Variants in DZIP1 observed in about 807,000 individuals in gnomAD.
The protein encoded by DZIP1 is DAZ interacting zinc finger protein 1, also known as cilium assembly protein DZIP1.
Under a neutral mutation model 107.6 loss-of-function variants are expected in DZIP1, and 97 were observed. The ratio of observed to expected loss-of-function variants is 0.90; its 90% CI spans 0.77 to 1.07. The LOEUF (loss-of-function observed/expected upper bound fraction) is 1.07, where lower values mean the gene tolerates loss of function less well. DZIP1 is among the 50% of genes least tolerant of loss of function. The pLI is 0.00. For synonymous variants in DZIP1, 390 were observed against 386.4 expected (o/e 1.01, Z -0.11); for missense variants, 1,035 against 1,063.6 (o/e 0.97, Z 0.37).
chr13:95,618,716 G>T (rs1875453559), intron 10 of DZIP1, among the ~76,000 whole-genome samples: 1 of 152,032 alleles, frequency 6.6e-6, no homozygotes, highest in Non-Finnish European at 1.5e-5. Context: ...CTTCATCCTT[G>T]CAATTATACA....
In DZIP1 at chr13:95,578,673, C is replaced by T. The variant is rs1025684838; in HGVS notation, c.*3561G>A. 21 of 152,212 alleles carry T rather than the reference C, an allele frequency of 1.4e-4. No individual in the cohort carries two copies. Among genetic ancestry groups the T allele is most frequent in the African/African-American group, 4.8e-4 (20 of 41,446 alleles). 9.4% of individuals were successfully genotyped at this position (152,212 alleles called of 1,614,324 possible). A position where few individuals can be genotyped will look rare whatever the true frequency, so the allele number is the denominator to read the frequency against. On this transcript the variant is annotated 3_prime_UTR_variant, in exon 23 of 23. Coordinates refer to ENST00000376829, the MANE Select transcript of DZIP1 (RefSeq NM_198968.4). ...GATTGTTGAAAAAGCAAAGCCACACCATTCTCTTTGATGTATGCAGAGAGT... is the reference window on the plus strand; with the variant it reads ...GATTGTTGAAAAAGCAAAGCCACACTATTCTCTTTGATGTATGCAGAGAGT...
Position 95,615,482 on chromosome 13 carries a change from T to C in DZIP1, c.1174-3305A>G, listed in dbSNP as rs79262287. ...AAAACAGGATAGCCTGGGTGGCTTTTGGTTTGTTTATCTCCAAAATCCATG... is the reference window on the plus strand; with the variant it reads ...AAAACAGGATAGCCTGGGTGGCTTTCGGTTTGTTTATCTCCAAAATCCATG... On this transcript the variant is annotated intron_variant, in intron 10 of 22. Coordinates refer to ENST00000376829, the MANE Select transcript of DZIP1 (RefSeq NM_198968.4). Among the ~76,000 whole-genome samples, 85 of 152,304 alleles carry C rather than the reference T, an allele frequency of 5.6e-4. 3 individuals carry two copies. The East Asian group carries it at 0.016, about 29-fold the overall frequency.
intron 7 of DZIP1, among the ~76,000 whole-genome samples, chr13:95,626,677 C>T (rs1253349806): frequency 1.3e-5 from 2 of 152,198 alleles, no homozygotes; most frequent in Middle Eastern, 3.4e-3. Context: ...AGCAAAGTTG[C>T]ACAGTACAAG....
At chr13:95,621,665 AGTGTGTGTGTGTGTGTGTGT>A (rs3051402) in intron 9 of DZIP1, among the ~76,000 whole-genome samples, 405 of 123,418 alleles carry the variant, frequency 3.3e-3, no homozygotes, top group African/African-American at 0.011. Context: ...ACCAGTTAGC[AGTGTGTGTGTGTGTGTGTGT>A]GTGTGTGTGT....
At chr13:95,606,097 T>C (rs1433078052) in intron 13 of DZIP1, 38 bp from the exon 14 acceptor site, 2 of 1,607,476 alleles carry the variant, frequency 1.2e-6, no homozygotes, top group Non-Finnish European at 8.5e-7. Context: ...AGAGGTTCCA[T>C]AATTAAAGCA....
At position 95,589,191 on chromosome 13, in the gene DZIP1, T is replaced by C. The variant is rs34303958; in HGVS notation, c.1990A>G (p.Met664Val). ...GACTTTCTGGGAAAAGGATCTTCCA[T>C]GACATTTTTCTTAATTCTAAAAAAA... is the stretch of plus-strand genomic sequence containing the variant. ...TSVPKIKKNV[M>V]EDPFPRKSST... The change falls in exon 19 of 23, where the codon ATG (methionine) becomes GTG (valine). Residue 664 changes from methionine (M) to valine (V), a missense_variant. Physicochemically the swap from Met to Val is conservative, Grantham distance 21. Coordinates refer to ENST00000376829, the MANE Select transcript of DZIP1 (RefSeq NM_198968.4). 72 of 1,606,456 alleles carry C rather than the reference T, an allele frequency of 4.5e-5. No individual in the cohort carries two copies. The highest frequency in any genetic ancestry group is 2.2e-4 in the Admixed American group (13 of 58,826).
At chr13:95,632,864 TCACCC>T (rs2139391316) in intron 6 of DZIP1, among the ~76,000 whole-genome samples, 1 of 152,324 alleles carries the variant, frequency 6.6e-6, no homozygotes, top group Admixed American at 6.5e-5. Flanking sequence ...TCTGAGACTT[TCACCC>T]CACCTGGAGT....
At chr13:95,609,395 T>C in intron 13 of DZIP1, 62 bp downstream of exon 13, 1 of 1,112,962 alleles carries the variant, frequency 9.0e-7, no homozygotes, top group Admixed American at 3.2e-5. Flanking sequence ...AAGTAAAAGT[T>C]ATGTTTTGGT....
At chr13:95,589,619 C>T (rs757958657) in intron 18 of DZIP1, among the ~76,000 whole-genome samples, 184 bp downstream of exon 18, 1 of 152,240 alleles carries the variant, frequency 6.6e-6, no homozygotes. Flanking sequence ...AGAAGGCAGT[C>T]GTCTGCAAGG....
chr13:95,641,885 G>T lies in DZIP1; in HGVS notation c.37-30C>A. On this transcript the variant is annotated intron_variant, in intron 4 of 22. Coordinates refer to ENST00000376829, the MANE Select transcript of DZIP1 (RefSeq NM_198968.4). This position sits in a 1 kb window ranked among gnomAD's most constrained non-coding sequence, Gnocchi z 4.3. Reference sequence around the variant, plus strand: ...GGGGGGCACAAAGAGAGCGCGGCGGGAGGCGGGGATGGGGGGCGGGCAGGC... The same window carrying T: ...GGGGGGCACAAAGAGAGCGCGGCGGTAGGCGGGGATGGGGGGCGGGCAGGC... 6.9e-7 allele frequency: 1 copy of T among 1,441,296 alleles called. No individual in the cohort carries two copies. The highest frequency in any genetic ancestry group is 1.5e-5 in the African/African-American group (1 of 66,038). The allele number at this position is 1,441,296 out of a possible 1,614,324, so 89.3% of individuals were successfully genotyped here.
At chr13:95,582,409 A>G (rs1406288719) in intron 22 of DZIP1, 96 bp from the exon 23 acceptor site, 4 of 1,027,796 alleles carry the variant, frequency 3.9e-6, no homozygotes, top group African/African-American at 1.6e-5. Context: ...ATTGTCATTA[A>G]TCACTCAGTG....
rs545060560 is a variant in DZIP1 at position 95,588,891 on chromosome 13, A to G, written c.2027+263T>C. ...TGTACTTATTGAGAAATTACTCAAC[A>G]TTGTAGGGGGATGGACATAAGAATG... On this transcript the variant is annotated intron_variant, in intron 19 of 22. Coordinates refer to ENST00000376829, the MANE Select transcript of DZIP1 (RefSeq NM_198968.4). 1.4e-4 allele frequency among the ~76,000 whole-genome samples: 22 copies of G among 152,342 alleles called. No homozygotes were observed. The East Asian group carries it at 4.2e-3, about 29-fold the overall frequency.
intron 21 of DZIP1, 63 bp from the exon 22 acceptor site, chr13:95,584,973 T>G: frequency 7.0e-7 from 1 of 1,429,570 alleles, no homozygotes; most frequent in South Asian, 1.3e-5. Context: ...CCTCAATCAT[T>G]TTATTGGTTA....
rs1286537609 is a variant in DZIP1 at position 95,587,639 on chromosome 13, T to C, written c.2118A>G (p.Pro706=). The part of the protein sequence containing the change: ...ASPGPLPVPP[P]QNKGSFGKNT... ...TCTTCCCGAAGCTGCCCTTGTTTTG[T>C]GGTGGCGGCACAGGAAGTGGGCCTG... The change falls in exon 20 of 23, where the codon CCA becomes CCG. Residue 706 remains proline (P), a synonymous_variant. Transcript: ENST00000376829. The C allele has an allele frequency of 2.5e-6, 4 of 1,614,124 alleles. No homozygotes were observed. The highest frequency in any genetic ancestry group is 2.5e-6 in the Non-Finnish European group (3 of 1,180,010).
At chr13:95,636,799 A>G (rs558155684) in intron 5 of DZIP1, among the ~76,000 whole-genome samples, 1 of 152,322 alleles carries the variant, frequency 6.6e-6, no homozygotes, top group Admixed American at 6.5e-5. Flanking sequence ...TTAAAGACTG[A>G]ATACAAGAGT....
In DZIP1 at chr13:95,586,066, TG is replaced by T. The variant is rs2044151739; in HGVS notation, c.2288del (p.Pro763GlnfsTer20). On this transcript the variant is annotated frameshift_variant, in exon 21 of 23. Transcript: ENST00000376829. LOFTEE classifies it high-confidence loss of function. ...TCTCAGGGACATTAGTTCCACCGAC[TG>T]GTTTGTTCACATTTTTGCGATGTGG... Reference protein sequence around the residue: ...MFPHRKNVNKPVGGTNVPEMF... With the variant: ...MFPHRKNVNKXVGGTNVPEMF... The T allele has an allele frequency of 6.2e-7, 1 of 1,611,338 alleles. No homozygotes were observed. Among genetic ancestry groups the T allele is most frequent in the Admixed American group, 1.7e-5 (1 of 59,438 alleles).
rs1183950615 is a variant in DZIP1 at position 95,641,842 on chromosome 13, T to A, written c.50A>T (p.His17Leu). 2 of 1,413,964 alleles carry A rather than the reference T, an allele frequency of 1.4e-6. No individual in the cohort carries two copies. Among genetic ancestry groups the A allele is most frequent in the East Asian group, 3.0e-5 (1 of 33,784 alleles). The allele number at this position is 1,413,964 out of a possible 1,614,324, so 87.6% of individuals were successfully genotyped here. A position where few individuals can be genotyped will look rare whatever the true frequency, so the allele number is the denominator to read the frequency against. ...DWFSSMPFQK[H>L]VYYPLASGPE... ...GCCGCTGGCGAGCGGGTAGTAGACATGCTTCTGGAAGGGCTGCGGGGGGCA... is the reference window on the plus strand; with the variant it reads ...GCCGCTGGCGAGCGGGTAGTAGACAAGCTTCTGGAAGGGCTGCGGGGGGCA... Residue 17 changes from histidine (H) to leucine (L), a missense_variant, in exon 5 of 23, where the codon CAT (histidine) becomes CTT (leucine). Transcript: ENST00000376829. The surrounding 1 kb of genome is among the most constrained non-coding windows in gnomAD (Gnocchi z 4.3).
intron 10 of DZIP1, among the ~76,000 whole-genome samples, chr13:95,616,911 C>A (rs1364456000): frequency 6.6e-6 from 1 of 152,056 alleles, no homozygotes; most frequent in Non-Finnish European, 1.5e-5. Context: ...GGTGAGCCCC[C>A]TGAAAGAAGT....
intron 16 of DZIP1, among the ~76,000 whole-genome samples, chr13:95,591,864 G>A (rs1438265974): frequency 6.6e-6 from 1 of 152,064 alleles, no homozygotes; most frequent in Non-Finnish European, 1.5e-5. Flanking sequence ...AAGTTCATTG[G>A]AAAACAAAAC....
Sources: gnomAD v4.1 joint callset for allele counts (sites outside exome capture counted in the v4.1 genomes callset) on GRCh38, gnomAD v4.1.1 for gene constraint, Gnocchi (gnomAD v3.1) non-coding constraint, MANE v1.5 for transcripts, NCBI Gene and HGNC (gene_info 2026-07-23, HGNC 2026-07-21) for gene names.